Variants in MARK1 observed in about 807,000 individuals in gnomAD.
The protein encoded by MARK1 is microtubule affinity regulating kinase 1.
Under a neutral mutation model 96.3 loss-of-function variants are expected in MARK1, and 40 were observed. That is an observed-to-expected ratio of 0.42 (90% CI 0.32 to 0.54). MARK1 has a LOEUF of 0.54. Among genes scored for constraint, MARK1 ranks in the 20% least tolerant of loss-of-function variants. The pLI is 0.16. For missense variants in MARK1, 719 were observed against 984.6 expected, an observed-to-expected ratio of 0.73 and a Z score of 3.61; for synonymous variants, 317 against 341.2, an observed-to-expected ratio of 0.93 and a Z score of 0.78.
At chr1:220,655,935 A>G (rs1669146563) in intron 16 of MARK1, among the ~76,000 whole-genome samples, 2 of 152,094 alleles carry the variant, frequency 1.3e-5, no homozygotes, top group South Asian at 4.1e-4. Flanking sequence ...GACTGTCCTC[A>G]AGTACATTAA....
intron 1 of MARK1, among the ~76,000 whole-genome samples, chr1:220,533,224 A>G (rs754168706): frequency 4.6e-5 from 7 of 152,112 alleles, no homozygotes; most frequent in Non-Finnish European, 1.0e-4. Flanking sequence ...TGCAGCTAAT[A>G]TTGTTGTTTG....
At chr1:220,625,307 C>T (rs558026872) in intron 9 of MARK1, among the ~76,000 whole-genome samples, 17 of 152,258 alleles carry the variant, frequency 1.1e-4, no homozygotes, top group South Asian at 2.1e-4. Flanking sequence ...GTGATTAAGA[C>T]GAGGTTTTAT....
chr1:220,599,755 C>G lies in MARK1; in HGVS notation c.359-43C>G, dbSNP rs143344217. 461 of 1,070,438 alleles carry G rather than the reference C, an allele frequency of 4.3e-4. 1 individual carries two copies. The African/African-American group carries it at 6.6e-3, about 15-fold the overall frequency. 66.3% of individuals were successfully genotyped at this position (1,070,438 alleles called of 1,614,324 possible). A position where few individuals can be genotyped will look rare whatever the true frequency, so the allele number is the denominator to read the frequency against. On this transcript the variant is annotated intron_variant, in intron 4 of 17. Coordinates refer to ENST00000366917, the MANE Select transcript of MARK1 (RefSeq NM_018650.5). ...TAGATTTTCTTAAAGCATATTCAAT[C>G]TGTGCTAACAGTTATAGAGTTATAT...
At chr1:220,553,539 A>G (rs1197401909) in intron 1 of MARK1, among the ~76,000 whole-genome samples, 1 of 152,206 alleles carries the variant, frequency 6.6e-6, no homozygotes, top group Admixed American at 6.5e-5. Flanking sequence ...TGTTCCTTCA[A>G]GACCTGCTCA....
chr1:220,602,551 T>C (rs1370844405), intron 5 of MARK1, among the ~76,000 whole-genome samples: 1 of 152,166 alleles, frequency 6.6e-6, no homozygotes, highest in Non-Finnish European at 1.5e-5. Context: ...TCCAAATTTT[T>C]TGAACTCTTG....
intron 16 of MARK1, among the ~76,000 whole-genome samples, chr1:220,653,870 A>T (rs1227468751): frequency 2.0e-5 from 3 of 152,204 alleles, no homozygotes; most frequent in African/African-American, 7.2e-5. Flanking sequence ...TAAAGGTCTA[A>T]TCTACTTAAA....
Position 220,626,957 on chromosome 1 carries a change from G to A in MARK1, c.910-4078G>A, listed in dbSNP as rs1048014461. The stretch of plus-strand genomic sequence containing the variant: ...CTAGTGCTGGACATATGAGACAGGT[G>A]TGGCCCTGGATACAGAGATCCCTAA... On this transcript the variant is annotated intron_variant, in intron 9 of 17. Transcript: ENST00000366917. The A allele has an allele frequency of 1.5e-4, 78 of 509,256 alleles. 2 individuals carry two copies. The highest frequency in any genetic ancestry group is 1.2e-3 in the South Asian group (73 of 62,566). The allele number at this position is 509,256 out of a possible 1,614,324, so 31.5% of individuals were successfully genotyped here. A position where few individuals can be genotyped will look rare whatever the true frequency, so the allele number is the denominator to read the frequency against.
chr1:220,604,795 T>A (rs928575452), intron 6 of MARK1, among the ~76,000 whole-genome samples: 1 of 152,070 alleles, frequency 6.6e-6, no homozygotes, highest in Admixed American at 6.5e-5. Context: ...AGTTACCATA[T>A]AAATAGCAAA....
Position 220,650,709 on chromosome 1 carries a change from A to G in MARK1, c.1560A>G (p.Gly520=), listed in dbSNP as rs146857340. The G allele has an allele frequency of 1.9e-6, 3 of 1,612,092 alleles. No individual in the cohort carries two copies. The African/African-American group carries it at 4.0e-5, about 22-fold the overall frequency. The part of the protein sequence containing the change: ...TTDRYVALQN[G]KDSSLTEMSV... ...ATCGATACGTAGCATTGCAGAATGG[A>G]AAAGACAGCAGGTAAATGCCACAGT... is the stretch of plus-strand genomic sequence containing the variant. Residue 520 remains glycine, a synonymous_variant, in exon 14 of 18, where the codon GGA becomes GGG. Transcript: ENST00000366917.
intron 3 of MARK1, among the ~76,000 whole-genome samples, chr1:220,583,292 C>A (rs143052103): frequency 0.015 from 2,359 of 152,296 alleles, 33 homozygotes; most frequent in Middle Eastern, 0.044. Flanking sequence ...CCTTTATCCT[C>A]TTCTGTGTAT....
At chr1:220,655,829 C>T (rs532641806) in intron 16 of MARK1, among the ~76,000 whole-genome samples, 2 of 152,252 alleles carry the variant, frequency 1.3e-5, no homozygotes, top group South Asian at 2.1e-4. Context: ...CTCACTGTGG[C>T]CTGTGGGGCC....
intron 13 of MARK1, among the ~76,000 whole-genome samples, chr1:220,636,579 G>C (rs1333906164): frequency 6.6e-6 from 1 of 151,792 alleles, no homozygotes; most frequent in Non-Finnish European, 1.5e-5. Context: ...AAATGAAGGA[G>C]GAGAAATAGT....
At chr1:220,544,201 G>C (rs980129835) in intron 1 of MARK1, among the ~76,000 whole-genome samples, 35 of 152,150 alleles carry the variant, frequency 2.3e-4, no homozygotes, top group Non-Finnish European at 4.1e-4. Flanking sequence ...AGTGGGAAGG[G>C]AGATGGCAAC....
chr1:220,558,400 A>G (rs1373686450), intron 1 of MARK1, among the ~76,000 whole-genome samples: 5 of 151,454 alleles, frequency 3.3e-5, no homozygotes, highest in African/African-American at 1.2e-4. Context: ...TAAGATAATC[A>G]GAAAATAAAT....
chr1:220,529,811 G>C (rs1229443561), intron 1 of MARK1, among the ~76,000 whole-genome samples: 1 of 152,170 alleles, frequency 6.6e-6, no homozygotes, highest in South Asian at 2.1e-4. Flanking sequence ...TTTGTGGGAA[G>C]GTTTTCTTGT....
chr1:220,624,295 C>T (rs1198683546), intron 9 of MARK1, among the ~76,000 whole-genome samples: 2 of 13,218 alleles, frequency 1.5e-4, no homozygotes, highest in East Asian at 2.4e-3. Flanking sequence ...GCGATTCCAT[C>T]TCAAAAAAAA....
At chr1:220,565,079 T>C (rs1411683368) in intron 1 of MARK1, among the ~76,000 whole-genome samples, 1 of 152,248 alleles carries the variant, frequency 6.6e-6, no homozygotes, top group African/African-American at 2.4e-5. Context: ...TGTGTATAAT[T>C]CTGCCTTTAT....
At chr1:220,647,287 A>G (rs77424104) in intron 13 of MARK1, among the ~76,000 whole-genome samples, 1,752 of 152,268 alleles carry the variant, frequency 0.012, 28 homozygotes, top group African/African-American at 0.04. Context: ...ATGGCCAACA[A>G]ACAAGAAAAA....
chr1:220,546,211 A>G (rs1661481967), intron 1 of MARK1, among the ~76,000 whole-genome samples: 1 of 152,212 alleles, frequency 6.6e-6, no homozygotes, highest in African/African-American at 2.4e-5. Flanking sequence ...CCCTATTACA[A>G]TAGTCTTGAG....
Sources: allele counts gnomAD v4.1 joint callset (sites outside exome capture counted in the v4.1 genomes callset), GRCh38; gene constraint gnomAD v4.1.1; transcripts MANE v1.5; gene names NCBI Gene and HGNC (gene_info 2026-07-23, HGNC 2026-07-21).